Variants in PM20D2 observed in about 807,000 individuals in gnomAD.
PM20D2 encodes the protein xaa-Arg dipeptidase.
Under a neutral mutation model 42.9 loss-of-function variants are expected in PM20D2, and 33 were observed. That is an observed-to-expected ratio of 0.77 (90% CI 0.58 to 1.03). PM20D2 has a LOEUF of 1.03. PM20D2 is among the 50% of genes least tolerant of loss of function. The probability of loss-of-function intolerance (pLI) is 0.00; values close to 1 mark genes in which losing one functional copy is unlikely to be tolerated. For missense variants in PM20D2, 548 were observed against 557.0 expected, an observed-to-expected ratio of 0.98 and a Z score of 0.16; for synonymous variants, 250 against 228.2, an observed-to-expected ratio of 1.10 and a Z score of -0.86.
rs377127622 is a variant in PM20D2, at chr6:89,152,583, C to T, written c.615-460C>T. ...ATCTTGTGATAACATTGAATATAAT[C>T]TGATTTTCAGAGGTTGTCTTAACCC... On this transcript the variant is annotated intron_variant, in intron 2 of 6. Transcript: ENST00000275072. Among the ~76,000 whole-genome samples, 140 of 152,222 alleles carry T rather than the reference C, an allele frequency of 9.2e-4. 1 individual carries two copies. The highest frequency in any genetic ancestry group is 3.2e-3 in the African/African-American group (133 of 41,532).
the PM20D2 span, among the ~76,000 whole-genome samples, chr6:89,099,515 TAC>T: frequency 0.8 from 106,417 of 132,784 alleles, 43,173 homozygotes; most frequent in African/African-American, 0.92. Context: ...TATATATATA[TAC>T]ACACACACAC....
chr6:89,147,386 A>T (rs1770625074), intron 1 of PM20D2, among the ~76,000 whole-genome samples: 1 of 152,132 alleles, frequency 6.6e-6, no homozygotes, highest in South Asian at 2.1e-4. Flanking sequence ...CATACTCTTT[A>T]GTTCATTTCC....
chr6:89,158,729 A>C (rs184344010), intron 5 of PM20D2, among the ~76,000 whole-genome samples: 335 of 152,292 alleles, frequency 2.2e-3, no homozygotes, highest in African/African-American at 7.8e-3. Flanking sequence ...CGTTAGTTTT[A>C]ATTTTTAAGT....
the PM20D2 span, chr6:89,105,570 A>C: frequency 7.2e-7 from 1 of 1,389,844 alleles, no homozygotes; most frequent in Non-Finnish European, 9.8e-7. Context: ...TGAGATATCA[A>C]GTAAACATAT....
At chr6:89,115,533 C>T in the PM20D2 span, among the ~76,000 whole-genome samples, 3 of 152,098 alleles carry the variant, frequency 2.0e-5, no homozygotes, top group African/African-American at 7.2e-5. Context: ...CCGCCGAACT[C>T]GGTCTCCTAA....
At chr6:89,133,767 T>C in the PM20D2 span, among the ~76,000 whole-genome samples, 5 of 151,158 alleles carry the variant, frequency 3.3e-5, no homozygotes, top group African/African-American at 1.2e-4. Context: ...CTTGGACTCA[T>C]GAAGAAACCT....
intron 1 of PM20D2, among the ~76,000 whole-genome samples, chr6:89,148,029 C>T (rs1770667483): frequency 1.4e-5 from 2 of 140,680 alleles, no homozygotes; most frequent in Non-Finnish European, 1.5e-5. Flanking sequence ...TCGCCCAGGC[C>T]GAGTGCAGTG....
chr6:89,140,131 G>T, the PM20D2 span, among the ~76,000 whole-genome samples: 17 of 133,124 alleles, frequency 1.3e-4, no homozygotes, highest in East Asian at 1.5e-3. Context: ...TTGTAGAGAT[G>T]GGGGGGTGGT....
the PM20D2 span, among the ~76,000 whole-genome samples, chr6:89,099,439 T>TATATATGTGTGTATATAC: frequency 3.1e-5 from 4 of 127,468 alleles, no homozygotes; most frequent in African/African-American, 1.3e-4. Flanking sequence ...TGTATATATA[T>TATATATGTGTGTATATAC]ACACATATAT....
the PM20D2 span, among the ~76,000 whole-genome samples, chr6:89,110,857 T>C: frequency 6.6e-6 from 1 of 152,134 alleles, no homozygotes; most frequent in Non-Finnish European, 1.5e-5. Context: ...GGCTGATACC[T>C]GCAATACCAG....
upstream of PM20D2, among the ~76,000 whole-genome samples, chr6:89,143,765 A>G (rs1253467460): frequency 2.0e-5 from 3 of 152,240 alleles, no homozygotes; most frequent in Non-Finnish European, 4.4e-5. Flanking sequence ...AGAAAGCCAC[A>G]TGTCCAACTC....
chr6:89,133,760 G>C, the PM20D2 span, among the ~76,000 whole-genome samples: 3 of 151,070 alleles, frequency 2.0e-5, no homozygotes, highest in African/African-American at 5.0e-5. Context: ...CAGTTATCTT[G>C]GACTCATGAA....
chr6:89,113,375 T>C, the PM20D2 span, among the ~76,000 whole-genome samples: 1 of 152,198 alleles, frequency 6.6e-6, no homozygotes, highest in Non-Finnish European at 1.5e-5. Context: ...GGTTTCACCA[T>C]ATTGGCCAGG....
the PM20D2 span, among the ~76,000 whole-genome samples, chr6:89,125,554 G>A: frequency 6.6e-6 from 1 of 152,104 alleles, no homozygotes; most frequent in African/African-American, 2.4e-5. Flanking sequence ...GCCAAGGCAG[G>A]TGGATTACCA....
chr6:89,115,909 A>G, the PM20D2 span, among the ~76,000 whole-genome samples: 1 of 152,188 alleles, frequency 6.6e-6, no homozygotes, highest in Non-Finnish European at 1.5e-5. Context: ...TGCTGTGATT[A>G]CAGGCATGAG....
the PM20D2 span, chr6:89,118,022 C>T: frequency 3.4e-6 from 3 of 886,646 alleles, no homozygotes; most frequent in Non-Finnish European, 4.8e-6. Flanking sequence ...GCCCCGCCAG[C>T]GCGCAGCCGC....
At chr6:89,161,682 A>C in intron 5 of PM20D2, 101 bp from the exon 6 acceptor site, 1 of 881,682 alleles carries the variant, frequency 1.1e-6, no homozygotes, top group East Asian at 2.5e-5. Flanking sequence ...CAAGAAGCTC[A>C]CTTCTCTGCG....
the PM20D2 span, among the ~76,000 whole-genome samples, chr6:89,125,654 G>T: frequency 2.0e-5 from 3 of 151,854 alleles, no homozygotes; most frequent in Non-Finnish European, 4.4e-5. Flanking sequence ...GTGGTGGCGG[G>T]TGCCTGTAAT....
At chr6:89,135,420 A>AT in the PM20D2 span, among the ~76,000 whole-genome samples, 15 of 151,162 alleles carry the variant, frequency 9.9e-5, 3 homozygotes, top group African/African-American at 3.5e-4. Flanking sequence ...CCTCTATCAA[A>AT]TTTTTTTTGT....
Sources: gnomAD v4.1 joint callset for allele counts (sites outside exome capture counted in the v4.1 genomes callset) on GRCh38, gnomAD v4.1.1 for gene constraint, MANE v1.5 for transcripts, NCBI Gene and HGNC (gene_info 2026-07-23, HGNC 2026-07-21) for gene names.